Variants in GRIK2 observed in about 807,000 individuals in gnomAD.
GRIK2 encodes the protein glutamate receptor ionotropic, kainate 2.
In GRIK2, 32 loss-of-function variants were observed where a neutral mutation model predicts 100.3. The ratio of observed to expected loss-of-function variants is 0.32; its 90% CI spans 0.24 to 0.43. The LOEUF (loss-of-function observed/expected upper bound fraction) is 0.43, where lower values mean the gene tolerates loss of function less well. Ranked by LOEUF, GRIK2 falls within the 20% of genes least tolerant of loss-of-function variation. The pLI, the probability that GRIK2 is intolerant of heterozygous loss-of-function variation, is 1.00. For synonymous variants in GRIK2, 417 were observed against 389.4 expected (o/e 1.07, Z -0.83); for missense variants, 843 against 1,114.9 (o/e 0.76, Z 3.47).
intron 5 of GRIK2, among the ~76,000 whole-genome samples, chr6:101,680,197 A>G (rs1253276687): frequency 6.6e-6 from 1 of 152,218 alleles, no homozygotes; most frequent in Non-Finnish European, 1.5e-5. Context: ...CATTGGAAAT[A>G]CATATGTCAG....
chr6:101,425,777 C>T (rs1776669584), intron 2 of GRIK2, among the ~76,000 whole-genome samples: 1 of 152,174 alleles, frequency 6.6e-6, no homozygotes, highest in South Asian at 2.1e-4. Flanking sequence ...ACTCTGCTCT[C>T]TGCATGCCCA....
intron 7 of GRIK2, among the ~76,000 whole-genome samples, chr6:101,755,710 T>G (rs1426015910): frequency 6.6e-6 from 1 of 152,180 alleles, no homozygotes; most frequent in African/African-American, 2.4e-5. Context: ...GTGTGTATGA[T>G]AAGTTTTTGA....
chr6:101,532,078 C>A (rs1775469110), intron 2 of GRIK2, among the ~76,000 whole-genome samples: 1 of 151,898 alleles, frequency 6.6e-6, no homozygotes, highest in Non-Finnish European at 1.5e-5. Context: ...TCTCAGGTTA[C>A]AAATCATACT....
At chr6:101,446,604 A>G (rs1168015781) in intron 2 of GRIK2, among the ~76,000 whole-genome samples, 2 of 151,996 alleles carry the variant, frequency 1.3e-5, no homozygotes, top group African/African-American at 2.4e-5. Flanking sequence ...CTAGTAAGAC[A>G]TGTTTCTGAA....
intron 14 of GRIK2, among the ~76,000 whole-genome samples, chr6:101,988,090 AGTGTGTGT>A (rs57491735): frequency 0.25 from 34,861 of 141,396 alleles, 4,900 homozygotes; most frequent in African/African-American, 0.39. Flanking sequence ...CCAGTATTAT[AGTGTGTGT>A]GTGTGTGTGT....
chr6:101,414,992 G>T (rs1273756044), intron 2 of GRIK2, among the ~76,000 whole-genome samples: 1 of 141,780 alleles, frequency 7.1e-6, no homozygotes, highest in African/African-American at 2.8e-5. Flanking sequence ...GTGTGTATAT[G>T]TGTGTGGTGT....
At chr6:101,693,089 G>A (rs991767610) in intron 7 of GRIK2, among the ~76,000 whole-genome samples, 9 of 151,948 alleles carry the variant, frequency 5.9e-5, no homozygotes, top group South Asian at 2.1e-4. Context: ...AGAACATTTC[G>A]TCTAATTGCC....
chr6:101,451,695 AGGGG>A (rs66705609), intron 2 of GRIK2, among the ~76,000 whole-genome samples: 4 of 125,464 alleles, frequency 3.2e-5, no homozygotes, highest in Admixed American at 2.4e-4. Context: ...TTTATCTCTG[AGGGG>A]GGGGGGGGTG....
chr6:101,891,657 A>G lies in GRIK2; in HGVS notation c.1748+1794A>G, dbSNP rs532154512. 2.7e-5 allele frequency: 10 copies of G among 364,756 alleles called. 1 individual carries two copies. The highest frequency in any genetic ancestry group is 1.9e-4 in the South Asian group (9 of 46,310). 22.6% of individuals were successfully genotyped at this position (364,756 alleles called of 1,614,324 possible). On this transcript the variant is annotated intron_variant, in intron 12 of 16. Coordinates refer to ENST00000369134, the MANE Select transcript of GRIK2 (RefSeq NM_021956.5). ...AGATATTAAGAATTGTGTTCTTCAG[A>G]TAATTATTATTTGCATTTGCCTAAA...
intron 14 of GRIK2, 72 bp from the exon 15 acceptor site, chr6:102,035,269 C>A (rs1770210395): frequency 2.7e-6 from 2 of 728,558 alleles, no homozygotes; most frequent in Non-Finnish European, 4.8e-6. Context: ...TTCATTGTGT[C>A]TAAGCATTAT....
intron 14 of GRIK2, among the ~76,000 whole-genome samples, chr6:102,022,082 G>A (rs1769453545): frequency 6.7e-6 from 1 of 149,176 alleles, no homozygotes; most frequent in Admixed American, 6.7e-5. Context: ...TAGTTCTCTT[G>A]GTTCCTAAAA....
chr6:101,634,004 T>C (rs1780891256), intron 4 of GRIK2, among the ~76,000 whole-genome samples: 2 of 152,284 alleles, frequency 1.3e-5, no homozygotes, highest in South Asian at 2.1e-4. Context: ...TTTTTGGCTC[T>C]TTTTAAAAAT....
At chr6:101,704,579 T>C (rs1773124201) in intron 7 of GRIK2, among the ~76,000 whole-genome samples, 1 of 151,786 alleles carries the variant, frequency 6.6e-6, no homozygotes, top group South Asian at 2.1e-4. Context: ...GAAAGTTATT[T>C]AGACTTATTT....
intron 6 of GRIK2, among the ~76,000 whole-genome samples, chr6:101,683,057 G>A (rs2128342608): frequency 6.6e-6 from 1 of 152,104 alleles, no homozygotes; most frequent in South Asian, 2.1e-4. Context: ...ACAAAAATTA[G>A]CCGGGCATGG....
At chr6:101,864,751 G>A (rs916353390) in intron 11 of GRIK2, among the ~76,000 whole-genome samples, 1 of 152,078 alleles carries the variant, frequency 6.6e-6, no homozygotes, top group Non-Finnish European at 1.5e-5. Flanking sequence ...TAGTTTACAG[G>A]ATTACTGTTG....
Position 101,799,774 on chromosome 6 carries a change from A to T in GRIK2, c.1078A>T (p.Met360Leu). 2 of 1,613,166 alleles carry T rather than the reference A, an allele frequency of 1.2e-6. No individual in the cohort carries two copies. The highest frequency in any genetic ancestry group is 1.3e-5 in the African/African-American group (1 of 75,012). ...HKPWRFGTRF[M>L]SLIKEAHWEG... The stretch of plus-strand genomic sequence containing the variant: ...ACCCTGGCGCTTCGGGACCCGCTTT[A>T]TGAGTCTAATTAAAGAGGTAAGTTA... Residue 360 changes from methionine (M) to leucine (L), a missense_variant, in exon 8 of 17, where the codon ATG becomes TTG. Around this residue, in one of 3 missense-constraint regions of GRIK2, gnomAD observed 519 missense variants for 643.8 expected, o/e 0.81. Coordinates refer to ENST00000369134, the MANE Select transcript of GRIK2 (RefSeq NM_021956.5).
intron 14 of GRIK2, among the ~76,000 whole-genome samples, chr6:101,942,444 G>A (rs1285848883): frequency 2.0e-5 from 3 of 152,168 alleles, no homozygotes; most frequent in East Asian, 3.9e-4. Flanking sequence ...AAGAAGACAG[G>A]AATATGTGGG....
intron 2 of GRIK2, among the ~76,000 whole-genome samples, chr6:101,595,651 AAC>A (rs1778882710): frequency 6.7e-6 from 1 of 149,732 alleles, no homozygotes; most frequent in South Asian, 2.1e-4. Flanking sequence ...CATATATATA[AAC>A]ACATATTTAT....
intron 15 of GRIK2, among the ~76,000 whole-genome samples, chr6:102,049,501 A>G (rs1771063330): frequency 6.6e-6 from 1 of 152,182 alleles, no homozygotes; most frequent in Non-Finnish European, 1.5e-5. Context: ...TAAACATTAG[A>G]AACAAGTTTT....
Sources: allele counts gnomAD v4.1 joint callset (sites outside exome capture counted in the v4.1 genomes callset), GRCh38; gene constraint gnomAD v4.1.1; regional missense constraint gnomAD v4.1.1; transcripts MANE v1.5; gene names NCBI Gene and HGNC (gene_info 2026-07-23, HGNC 2026-07-21).